Variants in KCNH7 observed in about 807,000 individuals in gnomAD.
KCNH7 encodes voltage-gated inwardly rectifying potassium channel KCNH7.
In KCNH7, 49 loss-of-function variants were observed where a neutral mutation model predicts 120.8. That is an observed-to-expected ratio of 0.41 (90% CI 0.32 to 0.51). The LOEUF (loss-of-function observed/expected upper bound fraction) is 0.51. Among genes scored for constraint, KCNH7 ranks in the 20% least tolerant of loss-of-function variants. KCNH7 has a pLI of 0.38. For missense variants in KCNH7, 1,097 were observed against 1,446.6 expected, an observed-to-expected ratio of 0.76 and a Z score of 3.92; for synonymous variants, 547 against 516.1, an observed-to-expected ratio of 1.06 and a Z score of -0.81.
At chr2:162,523,515 C>T (rs1172380480) in intron 3 of KCNH7, among the ~76,000 whole-genome samples, 1 of 151,694 alleles carries the variant, frequency 6.6e-6, no homozygotes, top group Non-Finnish European at 1.5e-5. Context: ...AGACCTCATC[C>T]ATCTGCTGCT....
intron 2 of KCNH7, among the ~76,000 whole-genome samples, chr2:162,570,934 A>G (rs1449254117): frequency 6.6e-6 from 1 of 152,154 alleles, no homozygotes; most frequent in Admixed American, 6.6e-5. Flanking sequence ...CCCACAGCCA[A>G]TATCATACTG....
chr2:162,820,934 T>A (rs1685098120), intron 2 of KCNH7, among the ~76,000 whole-genome samples: 1 of 152,216 alleles, frequency 6.6e-6, no homozygotes, highest in African/African-American at 2.4e-5. Context: ...TTATTGTTTT[T>A]ATTAGAATGT....
intron 2 of KCNH7, among the ~76,000 whole-genome samples, chr2:162,827,369 G>A (rs971155160): frequency 3.3e-5 from 5 of 152,036 alleles, no homozygotes; most frequent in Admixed American, 6.6e-5. Context: ...TAGTAACTGA[G>A]GGGCCCTTAA....
At chr2:162,589,207 C>A (rs878935050) in intron 2 of KCNH7, among the ~76,000 whole-genome samples, 2 of 152,072 alleles carry the variant, frequency 1.3e-5, no homozygotes, top group African/African-American at 4.8e-5. Context: ...GAACGACTCC[C>A]AGTGCAGGCC....
chr2:162,529,742 G>A (rs1691849933), intron 3 of KCNH7, among the ~76,000 whole-genome samples: 1 of 151,576 alleles, frequency 6.6e-6, no homozygotes, highest in African/African-American at 2.4e-5. Flanking sequence ...CATTACTATT[G>A]GCTCCTTTAA....
chr2:162,552,435 G>A (rs192130805), intron 2 of KCNH7, among the ~76,000 whole-genome samples: 2 of 152,220 alleles, frequency 1.3e-5, no homozygotes, highest in Admixed American at 1.3e-4. Context: ...AGGAAAATCG[G>A]GCATCTCTGG....
chr2:162,544,473 T>C (rs1188454862), intron 2 of KCNH7, among the ~76,000 whole-genome samples: 1 of 152,106 alleles, frequency 6.6e-6, no homozygotes, highest in African/African-American at 2.4e-5. Flanking sequence ...TCATCCCCAT[T>C]AGGCAGTAGT....
chr2:162,763,518 C>A (rs78438393), intron 2 of KCNH7, among the ~76,000 whole-genome samples: 1 of 151,918 alleles, frequency 6.6e-6, no homozygotes, highest in Non-Finnish European at 1.5e-5. Flanking sequence ...TAAAAGGATC[C>A]GTAAAGTTCC....
intron 2 of KCNH7, among the ~76,000 whole-genome samples, chr2:162,617,474 A>C (rs917890361): frequency 6.6e-6 from 1 of 152,024 alleles, no homozygotes. Flanking sequence ...GCGAGATTCC[A>C]TCTCAAAAAA....
Position 162,373,484 on chromosome 2 carries a change from T to C in KCNH7, c.3310A>G (p.Ser1104Gly). The change falls in exon 15 of 16, where the codon AGC becomes GGC. Residue 1104 changes from serine to glycine, a missense_variant. Transcript: ENST00000332142. ...TCCACACTTACTTGTGAGGAAGGGC[T>C]GAAACTTCGGTCAGTTTTGATGGAT... Reference protein sequence around the residue: ...EASIKTDRSFSPSSQCPEFLD... With the variant: ...EASIKTDRSFGPSSQCPEFLD... 1 of 1,542,310 alleles carries C rather than the reference T, an allele frequency of 6.5e-7. No individual in the cohort carries two copies. Among genetic ancestry groups the C allele is most frequent in the Admixed American group, 1.9e-5 (1 of 51,416 alleles).
intron 2 of KCNH7, among the ~76,000 whole-genome samples, chr2:162,602,096 A>G (rs1297220102): frequency 3.9e-5 from 6 of 152,070 alleles, no homozygotes. Flanking sequence ...CTATTAGGAT[A>G]TTTTGTAATA....
intron 6 of KCNH7, among the ~76,000 whole-genome samples, chr2:162,467,963 G>A (rs1486387348): frequency 1.3e-5 from 2 of 152,178 alleles, no homozygotes; most frequent in Non-Finnish European, 2.9e-5. Context: ...TTACCCTCAT[G>A]ATCTAATTAC....
Position 162,492,865 on chromosome 2 carries a change from G to GTTTTTTTTT in KCNH7, c.1128+11569_1128+11577dup. Among the ~76,000 whole-genome samples the GTTTTTTTTT allele has an allele frequency of 1.2e-3, 70 of 57,174 alleles. 2 individuals carry two copies. Among genetic ancestry groups the GTTTTTTTTT allele is most frequent in the East Asian group, 1.8e-3 (3 of 1,692 alleles). The allele number at this position is 57,174 out of a possible 152,430, so 37.5% of individuals were successfully genotyped here. A position where few individuals can be genotyped will look rare whatever the true frequency, so the allele number is the denominator to read the frequency against. On this transcript the variant is annotated intron_variant, in intron 6 of 15. Coordinates refer to ENST00000332142, the MANE Select transcript of KCNH7 (RefSeq NM_033272.4). ...CTATGTTTTTCTCTTCTTGGATCTT[G>GTTTTTTTTT]TTTTTTTTTTTTTTTTTTTTTTTTT... is the stretch of plus-strand genomic sequence containing the variant.
At chr2:162,818,156 CT>C (rs1458564239) in intron 2 of KCNH7, among the ~76,000 whole-genome samples, 1 of 151,552 alleles carries the variant, frequency 6.6e-6, no homozygotes, top group African/African-American at 2.4e-5. Flanking sequence ...TAGTTAGTGC[CT>C]TTTGTATTCT....
intron 8 of KCNH7, among the ~76,000 whole-genome samples, chr2:162,431,197 T>A (rs941028074): frequency 5.9e-5 from 9 of 152,038 alleles, no homozygotes; most frequent in African/African-American, 2.2e-4. Context: ...GATTGCCTTG[T>A]TTTCTACAAC....
intron 2 of KCNH7, among the ~76,000 whole-genome samples, chr2:162,658,111 G>A (rs779408893): frequency 6.6e-6 from 1 of 151,268 alleles, no homozygotes; most frequent in Non-Finnish European, 1.5e-5. Context: ...AGAAGAAGAC[G>A]GCCAACTATA....
intron 2 of KCNH7, among the ~76,000 whole-genome samples, chr2:162,642,701 A>G (rs1455597450): frequency 6.6e-6 from 1 of 152,214 alleles, no homozygotes; most frequent in Non-Finnish European, 1.5e-5. Context: ...ACACCTGTAC[A>G]TATCTGTTGG....
At chr2:162,522,379 A>T (rs1691563235) in intron 3 of KCNH7, among the ~76,000 whole-genome samples, 1 of 151,900 alleles carries the variant, frequency 6.6e-6, no homozygotes, top group South Asian at 2.1e-4. Flanking sequence ...TTATTCCTAT[A>T]GTTTAGTCAT....
chr2:162,404,617 G>A (rs1359603623), intron 9 of KCNH7, among the ~76,000 whole-genome samples: 1 of 151,858 alleles, frequency 6.6e-6, no homozygotes, highest in Non-Finnish European at 1.5e-5. Flanking sequence ...CCTGCCATGT[G>A]ACATATCTGC....
Sources: allele counts gnomAD v4.1 joint callset (sites outside exome capture counted in the v4.1 genomes callset), GRCh38; gene constraint gnomAD v4.1.1; transcripts MANE v1.5; gene names NCBI Gene and HGNC (gene_info 2026-07-23, HGNC 2026-07-21).